The following ANKS1A variants were observed in gnomAD, a reference collection of about 807,000 sequenced individuals.
ANKS1A encodes ankyrin repeat and sterile alpha motif domain containing 1A, also known as ankyrin repeat and SAM domain-containing protein 1A.
ANKS1A carries 55 observed loss-of-function variants against 120.3 expected under a neutral mutation model. That is an observed-to-expected ratio of 0.46 (90% CI 0.37 to 0.57). The LOEUF (loss-of-function observed/expected upper bound fraction) is 0.57, where lower values mean the gene tolerates loss of function less well. Ranked by LOEUF, ANKS1A falls within the 20% of genes least tolerant of loss-of-function variation. The probability of loss-of-function intolerance (pLI) is 0.00; values close to 1 mark genes in which losing one functional copy is unlikely to be tolerated. For synonymous variants in ANKS1A, 590 were observed against 604.7 expected (o/e 0.98, Z 0.36); for missense variants, 1,123 against 1,480.3 (o/e 0.76, Z 3.96).
chr6:34,899,366 G>A (rs552306428), intron 1 of ANKS1A, among the ~76,000 whole-genome samples: 1 of 152,162 alleles, frequency 6.6e-6, no homozygotes, highest in Admixed American at 6.5e-5. Flanking sequence ...CAGCTTTATG[G>A]CCCAGCATGG....
At chr6:35,052,611 A>AAAAAAAAAAAAAAAAAAAAAAAAAT in intron 11 of ANKS1A, among the ~76,000 whole-genome samples, 1 of 21,564 alleles carries the variant, frequency 4.6e-5, no homozygotes, top group Non-Finnish European at 1.2e-4. Context: ...TTCTCTGTTA[A>AAAAAAAAAAAAAAAAAAAAAAAAAT]AAAAAAAAAA....
At chr6:35,083,731 C>T (rs770624493) in intron 20 of ANKS1A, among the ~76,000 whole-genome samples, 3 of 152,162 alleles carry the variant, frequency 2.0e-5, no homozygotes, top group East Asian at 1.9e-4. Context: ...CTGTTAGCCT[C>T]GCCACCTGGG....
At chr6:35,064,494 A>T (rs887617730) in intron 13 of ANKS1A, among the ~76,000 whole-genome samples, 22 of 152,208 alleles carry the variant, frequency 1.4e-4, no homozygotes, top group Non-Finnish European at 2.6e-4. Context: ...ACAGATAAAG[A>T]GAGGCCAAAG....
chr6:34,947,142 CTTTTTTTTTTT>C (rs71002514), intron 1 of ANKS1A, among the ~76,000 whole-genome samples: 1 of 101,988 alleles, frequency 9.8e-6, no homozygotes, highest in African/African-American at 4.4e-5. Context: ...ATAGTAGACT[CTTTTTTTTTTT>C]TTTTTTTTTT....
chr6:34,964,386 C>T (rs1475062673), intron 1 of ANKS1A, among the ~76,000 whole-genome samples: 1 of 152,182 alleles, frequency 6.6e-6, no homozygotes, highest in Non-Finnish European at 1.5e-5. Flanking sequence ...TGCTCCCTAA[C>T]ACAGAGATTT....
intron 13 of ANKS1A, among the ~76,000 whole-genome samples, chr6:35,074,276 C>T (rs112887370): frequency 0.014 from 2,087 of 152,316 alleles, 17 homozygotes; most frequent in South Asian, 0.03. Context: ...CTCAGCCGTT[C>T]GCTTTGGTAT....
chr6:34,990,925 A>G (rs1353853369), intron 9 of ANKS1A, among the ~76,000 whole-genome samples: 1 of 152,194 alleles, frequency 6.6e-6, no homozygotes, highest in African/African-American at 2.4e-5. Flanking sequence ...CGGCCTGCAT[A>G]TGATCCAGGC....
intron 1 of ANKS1A, among the ~76,000 whole-genome samples, chr6:34,925,085 TC>T (rs1345588435): frequency 6.6e-6 from 1 of 152,216 alleles, no homozygotes; most frequent in Non-Finnish European, 1.5e-5. Context: ...TTATATTTCT[TC>T]CTTGAATTAA....
intron 9 of ANKS1A, 143 bp downstream of exon 9, chr6:34,989,459 T>C: frequency 1.3e-6 from 1 of 755,938 alleles, no homozygotes; most frequent in Non-Finnish European, 2.2e-6. Flanking sequence ...ACTAGTAATC[T>C]GGAATAAGAC....
intron 11 of ANKS1A, among the ~76,000 whole-genome samples, chr6:35,019,861 G>A (rs1407825974): frequency 1.3e-5 from 2 of 152,166 alleles, no homozygotes; most frequent in East Asian, 3.8e-4. Flanking sequence ...GGGTGGGGGA[G>A]TGGAGACAGG....
rs539421243 is a variant in ANKS1A at position 35,049,392 on chromosome 6, C to T, written c.2011-4707C>T. ...ATATGGTGGGATCTAAAGAAAACAG[C>T]GTGGCGCAGGGTCCTTACCCTGAAT... On this transcript the variant is annotated intron_variant, in intron 11 of 23. Coordinates refer to ENST00000360359, the MANE Select transcript of ANKS1A (RefSeq NM_015245.3). Among the ~76,000 whole-genome samples, 20 of 152,304 alleles carry T rather than the reference C, an allele frequency of 1.3e-4. 1 individual carries two copies. Among genetic ancestry groups the T allele is most frequent in the Non-Finnish European group, 1.5e-4 (10 of 68,032 alleles).
At chr6:34,970,804 C>T (rs997908864) in intron 3 of ANKS1A, among the ~76,000 whole-genome samples, 1 of 151,638 alleles carries the variant, frequency 6.6e-6, no homozygotes, top group African/African-American at 2.4e-5. Flanking sequence ...GCCTGAGCAA[C>T]ACAGTGAGGA....
intron 10 of ANKS1A, among the ~76,000 whole-genome samples, chr6:34,994,956 G>A (rs1772772607): frequency 6.6e-6 from 1 of 152,208 alleles, no homozygotes; most frequent in South Asian, 2.1e-4. Flanking sequence ...AGTGAGTGCT[G>A]CAGTACTGAG....
intron 7 of ANKS1A, 142 bp from the exon 8 acceptor site, chr6:34,984,940 A>G (rs1348551105): frequency 5.7e-6 from 4 of 695,920 alleles, no homozygotes; most frequent in East Asian, 2.7e-5. Context: ...ATTCTTGTCC[A>G]TGGAACAAAG....
intron 1 of ANKS1A, among the ~76,000 whole-genome samples, chr6:34,922,016 CTT>C (rs558428378): frequency 5.2e-4 from 70 of 133,502 alleles, no homozygotes; most frequent in East Asian, 8.7e-4. Flanking sequence ...AATTGACTTC[CTT>C]TTTTTTTTTT....
intron 1 of ANKS1A, among the ~76,000 whole-genome samples, chr6:34,953,539 G>A (rs1581741821): frequency 6.6e-6 from 1 of 152,304 alleles, no homozygotes; most frequent in South Asian, 2.1e-4. Context: ...TCTTCCCACT[G>A]TTTGCAATGC....
chr6:34,920,203 T>G lies in ANKS1A; in HGVS notation c.197+30604T>G, dbSNP rs116479985. On this transcript the variant is annotated intron_variant, in intron 1 of 23. Transcript: ENST00000360359. ...TCCCCATCTTCTCATTAGAGTAGTT[T>G]TTTTTGTTGTTTTTCTTTCTTTATT... is the stretch of plus-strand genomic sequence containing the variant. 4.7e-3 allele frequency among the ~76,000 whole-genome samples: 710 copies of G among 152,198 alleles called. 3 individuals are homozygous for G. Among genetic ancestry groups the G allele is most frequent in the Middle Eastern group, 0.017 (5 of 294 alleles).
At chr6:35,092,027 C>T (rs1778324935), downstream of ANKS1A, among the ~76,000 whole-genome samples, 1 of 152,172 alleles carries the variant, frequency 6.6e-6, no homozygotes, top group South Asian at 2.1e-4. Context: ...AGCACCTTGG[C>T]CCCTTCACTG....
intron 1 of ANKS1A, among the ~76,000 whole-genome samples, chr6:34,949,415 C>G (rs1769959983): frequency 6.6e-6 from 1 of 152,130 alleles, no homozygotes; most frequent in Non-Finnish European, 1.5e-5. Context: ...CTCTGAAGCT[C>G]TTAAGTAGAA....
Sources: allele counts gnomAD v4.1 joint callset (sites outside exome capture counted in the v4.1 genomes callset), GRCh38; gene constraint gnomAD v4.1.1; transcripts MANE v1.5; gene names NCBI Gene and HGNC (gene_info 2026-07-23, HGNC 2026-07-21).